Variants in HMGB1 observed in about 807,000 individuals in gnomAD.
The protein encoded by HMGB1 is high mobility group protein B1.
For synonymous variants in HMGB1, 81 were observed against 84.0 expected (o/e 0.96, Z 0.19); for missense variants, 79 against 253.5 (o/e 0.31, Z 4.67).
chr13:30,474,286 C>A (rs1199028329), intron 1 of HMGB1, among the ~76,000 whole-genome samples: 1 of 152,150 alleles, frequency 6.6e-6, no homozygotes, highest in Admixed American at 6.5e-5. Context: ...TGGAACACTC[C>A]CTCGCCAACT....
intron 1 of HMGB1, among the ~76,000 whole-genome samples, chr13:30,614,550 G>A (rs1950542540): frequency 6.6e-6 from 1 of 152,228 alleles, no homozygotes; most frequent in Admixed American, 6.5e-5. Context: ...AAAATTCAGT[G>A]ACTTGTGTAA....
intron 1 of HMGB1, among the ~76,000 whole-genome samples, chr13:30,594,759 T>C (rs1416946596): frequency 6.6e-6 from 1 of 152,226 alleles, no homozygotes; most frequent in Non-Finnish European, 1.5e-5. Flanking sequence ...ATGGGATTGC[T>C]AGCTCAGATA....
chr13:30,494,464 C>T (rs1340115500), intron 1 of HMGB1, among the ~76,000 whole-genome samples: 8 of 151,930 alleles, frequency 5.3e-5, no homozygotes, highest in Non-Finnish European at 8.8e-5. Flanking sequence ...TAGGTTCAAG[C>T]GATTCTCCTG....
chr13:30,500,116 G>A (rs1566007101), intron 1 of HMGB1, among the ~76,000 whole-genome samples: 1 of 152,134 alleles, frequency 6.6e-6, no homozygotes, highest in Non-Finnish European at 1.5e-5. Context: ...AGAGCAGGTT[G>A]TTATAAAAGC....
At chr13:30,530,818 A>T (rs1273169888) in intron 1 of HMGB1, among the ~76,000 whole-genome samples, 1 of 152,114 alleles carries the variant, frequency 6.6e-6, no homozygotes, top group Non-Finnish European at 1.5e-5. Context: ...AGGTGGAGGC[A>T]GGCAGATTGC....
intron 1 of HMGB1, among the ~76,000 whole-genome samples, chr13:30,471,653 C>CCT (rs1886939492): frequency 1.1e-5 from 1 of 87,432 alleles, no homozygotes; most frequent in Non-Finnish European, 2.3e-5. Context: ...CCGTGCCCGG[C>CCT]CTTTTTTTTT....
chr13:30,552,776 T>C (rs1406208626), intron 1 of HMGB1, among the ~76,000 whole-genome samples: 1 of 152,244 alleles, frequency 6.6e-6, no homozygotes, highest in Non-Finnish European at 1.5e-5. Flanking sequence ...ACTGGTCATG[T>C]GTCTCTAAAC....
chr13:30,616,054 A>G (rs1437136441), intron 1 of HMGB1, among the ~76,000 whole-genome samples: 1 of 152,232 alleles, frequency 6.6e-6, no homozygotes, highest in Non-Finnish European at 1.5e-5. Context: ...AATAACCAGA[A>G]ATGTATACAG....
intron 1 of HMGB1, among the ~76,000 whole-genome samples, chr13:30,534,695 A>G (rs1254574394): frequency 1.4e-5 from 2 of 142,274 alleles, no homozygotes; most frequent in Non-Finnish European, 3.0e-5. Flanking sequence ...CTCCTGCCTC[A>G]GCCTCCCGAG....
In HMGB1 at chr13:30,458,744, CTTATCT is replaced by C. The variant is rs931578865; in HGVS notation, c.*2607_*2612del. 1.5e-4 allele frequency: 23 copies of C among 152,118 alleles called. No homozygotes were observed. The highest frequency in any genetic ancestry group is 9.2e-4 in the Admixed American group (14 of 15,262). The allele number at this position is 152,118 out of a possible 1,614,324, so 9.4% of individuals were successfully genotyped here. A position where few individuals can be genotyped will look rare whatever the true frequency, so the allele number is the denominator to read the frequency against. On this transcript the variant is annotated 3_prime_UTR_variant, in exon 5 of 5. Transcript: ENST00000341423. ...CAGTTTGTGTTACATGGGCGCTTTT[CTTATCT>C]TTATCATTTAATCATTACCCCTCGG...
chr13:30,567,147 C>T (rs1051515332), intron 1 of HMGB1, among the ~76,000 whole-genome samples: 2 of 152,122 alleles, frequency 1.3e-5, no homozygotes, highest in Non-Finnish European at 2.9e-5. Flanking sequence ...AGGCAAATTG[C>T]CCTGGTATTA....
At chr13:30,599,702 C>T (rs1353127718) in intron 1 of HMGB1, among the ~76,000 whole-genome samples, 1 of 152,118 alleles carries the variant, frequency 6.6e-6, no homozygotes, top group East Asian at 1.9e-4. Context: ...TCCAAATTTC[C>T]TCTTCTTATA....
In HMGB1 at chr13:30,458,476, C is replaced by T. The variant is rs1348551592; in HGVS notation, c.*2881G>A. 1 of 152,242 alleles carries T rather than the reference C, an allele frequency of 6.6e-6. No homozygotes were observed. Among genetic ancestry groups the T allele is most frequent in the Non-Finnish European group, 1.5e-5 (1 of 68,130 alleles). 9.4% of individuals were successfully genotyped at this position (152,242 alleles called of 1,614,324 possible). A position where few individuals can be genotyped will look rare whatever the true frequency, so the allele number is the denominator to read the frequency against. The stretch of plus-strand genomic sequence containing the variant: ...TCCTGAGTTACTGGGACTACAGGCG[C>T]CCAGCACCACGCTTGGCTAATTTTT... On this transcript the variant is annotated 3_prime_UTR_variant, in exon 5 of 5. Transcript: ENST00000341423.
At chr13:30,477,843 G>C (rs576865456) in intron 1 of HMGB1, among the ~76,000 whole-genome samples, 2 of 152,080 alleles carry the variant, frequency 1.3e-5, no homozygotes, top group Admixed American at 1.3e-4. Flanking sequence ...AAGTTACCAG[G>C]CCTCTTTGTT....
At chr13:30,548,858 G>A (rs1173073676) in intron 1 of HMGB1, among the ~76,000 whole-genome samples, 2 of 152,148 alleles carry the variant, frequency 1.3e-5, no homozygotes, top group African/African-American at 2.4e-5. Flanking sequence ...TGGAAGTGCT[G>A]GTCTTGGACA....
chr13:30,531,166 A>T (rs569191396), intron 1 of HMGB1, among the ~76,000 whole-genome samples: 49 of 152,272 alleles, frequency 3.2e-4, no homozygotes, highest in Non-Finnish European at 5.9e-4. Context: ...GAAATTGATG[A>T]CTTTAAGGTT....
intron 1 of HMGB1, among the ~76,000 whole-genome samples, chr13:30,534,823 C>T (rs1029048439): frequency 2.0e-5 from 3 of 151,954 alleles, no homozygotes; most frequent in Non-Finnish European, 2.9e-5. Context: ...GTGATCTGCC[C>T]GCCCTGGCCT....
chr13:30,592,011 T>C (rs1469163554), intron 1 of HMGB1, among the ~76,000 whole-genome samples: 2 of 152,188 alleles, frequency 1.3e-5, no homozygotes, highest in Admixed American at 6.5e-5. Flanking sequence ...AGAAAGCAAC[T>C]GTGTTCTTTC....
At chr13:30,580,827 A>G (rs534790729) in intron 1 of HMGB1, among the ~76,000 whole-genome samples, 1 of 152,356 alleles carries the variant, frequency 6.6e-6, no homozygotes, top group African/African-American at 2.4e-5. Flanking sequence ...TGTTTTGCTC[A>G]ATAGCTTGTC....
Sources: gnomAD v4.1 joint callset for allele counts (sites outside exome capture counted in the v4.1 genomes callset) on GRCh38, gnomAD v4.1.1 for gene constraint, MANE v1.5 for transcripts, NCBI Gene and HGNC (gene_info 2026-07-23, HGNC 2026-07-21) for gene names.